The following MBNL3 variants were observed in gnomAD, a reference collection of about 807,000 sequenced individuals.
The protein encoded by MBNL3 is muscleblind like splicing regulator 3.
In MBNL3, 6 loss-of-function variants were observed where a neutral mutation model predicts 24.5. The observed-to-expected ratio is 0.25, with a 90% CI of 0.13 to 0.48. The LOEUF (loss-of-function observed/expected upper bound fraction) is 0.48, where lower values mean the gene tolerates loss of function less well. Among genes scored for constraint, MBNL3 ranks in the 20% least tolerant of loss-of-function variants. The pLI is 0.99. For synonymous variants in MBNL3, 100 were observed against 101.7 expected (o/e 0.98, Z 0.10); for missense variants, 230 against 293.5 (o/e 0.78, Z 1.58).
intron 2 of MBNL3, among the ~76,000 whole-genome samples, chrX:132,437,517 G>C (rs1365406038): frequency 8.9e-6 from 1 of 111,907 alleles, no homozygotes; most frequent in Non-Finnish European, 1.9e-5. Flanking sequence ...AATCACAGAA[G>C]TTAGGTACAG....
chrX:132,403,884 G>T (rs1941362342), intron 3 of MBNL3, among the ~76,000 whole-genome samples: 1 of 111,723 alleles, frequency 9.0e-6, no homozygotes, highest in South Asian at 3.8e-4. Flanking sequence ...GTCTGATAAT[G>T]AAATCTGCTT....
chrX:132,408,453 A>T (rs758748497), intron 2 of MBNL3, among the ~76,000 whole-genome samples: 4 of 110,523 alleles, frequency 3.6e-5, no homozygotes, highest in Non-Finnish European at 7.6e-5. Context: ...TTTCATATTC[A>T]GGAATTCCAG....
intron 2 of MBNL3, among the ~76,000 whole-genome samples, chrX:132,434,986 T>G (rs1945036793): frequency 8.9e-6 from 1 of 111,858 alleles, no homozygotes; most frequent in Non-Finnish European, 1.9e-5. Context: ...GGATAAAAAG[T>G]ATACAGGAGT....
rs141016173 is a variant in MBNL3 at position 132,390,960 on chromosome X, T to C, written c.658A>G (p.Ile220Val). The C allele has an allele frequency of 8.0e-5, 97 of 1,209,154 alleles. No homozygotes were observed. Among genetic ancestry groups the C allele is most frequent in the Non-Finnish European group, 1.1e-5 (10 of 894,905 alleles). Residue 220 changes from isoleucine (I) to valine (V), a missense_variant, in exon 5 of 9, where the codon ATC becomes GTC. Transcript: ENST00000370853. ...TTCTCCCGCGAGCATCGACCTTTGA[T>C]GTAATCCATGCAGATTGTCACAGTA... ...DNTVTICMDY[I>V]KGRCSREKCK...
chrX:132,448,709 C>T (rs1222338841), intron 1 of MBNL3, among the ~76,000 whole-genome samples: 1 of 111,453 alleles, frequency 9.0e-6, no homozygotes, highest in Non-Finnish European at 1.9e-5. Context: ...TCTTGCATCT[C>T]GCGTTCTTGT....
At chrX:132,412,890 TA>T (rs1942927885) in intron 2 of MBNL3, among the ~76,000 whole-genome samples, 1 of 112,587 alleles carries the variant, frequency 8.9e-6, no homozygotes, top group African/African-American at 3.2e-5. Flanking sequence ...GGTACCAAGT[TA>T]TCAAAAGTCA....
At chrX:132,489,623 G>A (rs753405734), upstream of MBNL3, among the ~76,000 whole-genome samples, 160 of 111,932 alleles carry the variant, frequency 1.4e-3, no homozygotes, top group Middle Eastern at 4.7e-3. Context: ...TCCCGCGCCG[G>A]ACAGACGCGG....
chrX:132,377,420 G>T lies in MBNL3; in HGVS notation c.*2246C>A, dbSNP rs1934244228. ...CGCAACATTGTCAACAGCTGACAAT[G>T]ACTCAATACAAGCAAGGCTGTTTAG... On this transcript the variant is annotated 3_prime_UTR_variant, in exon 9 of 9. Transcript: ENST00000370853. 8.9e-6 allele frequency: 1 copy of T among 111,885 alleles called. No individual in the cohort carries two copies. Among genetic ancestry groups the T allele is most frequent in the African/African-American group, 3.2e-5 (1 of 30,819 alleles). 9.2% of individuals were successfully genotyped at this position (111,885 alleles called of 1,213,427 possible). A position where few individuals can be genotyped will look rare whatever the true frequency, so the allele number is the denominator to read the frequency against.
chrX:132,456,263 A>G (rs1359826206), intron 1 of MBNL3, among the ~76,000 whole-genome samples: 1 of 112,251 alleles, frequency 8.9e-6, no homozygotes. Flanking sequence ...TTCTATATTA[A>G]TTTCTAATCA....
In MBNL3 at chrX:132,396,887, CAT is replaced by C. The variant is rs1274679462; in HGVS notation, c.343-4555_343-4554del. Among the ~76,000 whole-genome samples, 145 of 37,452 alleles carry C rather than the reference CAT, an allele frequency of 3.9e-3. 3 individuals carry two copies. Among genetic ancestry groups the C allele is most frequent in the East Asian group, 3.2e-3 (4 of 1,246 alleles). The allele number at this position is 37,452 out of a possible 115,157, so 32.5% of individuals were successfully genotyped here. On this transcript the variant is annotated intron_variant, in intron 3 of 8. Coordinates refer to ENST00000370853, the MANE Select transcript of MBNL3 (RefSeq NM_001386889.1). ...ATATATTCATATATACATATATATT[CAT>C]ATATATATTCATATATACATATATA...
intron 2 of MBNL3, among the ~76,000 whole-genome samples, chrX:132,411,862 C>G (rs993640114): frequency 1.3e-4 from 15 of 111,609 alleles, no homozygotes; most frequent in African/African-American, 4.9e-4. Context: ...GAATAGCCGC[C>G]CTGCCATACA....
chrX:132,455,554 G>T (rs1319053527), intron 1 of MBNL3, among the ~76,000 whole-genome samples: 1 of 111,852 alleles, frequency 8.9e-6, no homozygotes, highest in African/African-American at 3.2e-5. Context: ...GGCCCAGAAG[G>T]ATTCATTTAC....
chrX:132,384,617 A>G, intron 7 of MBNL3, 46 bp downstream of exon 7: 3 of 1,116,799 alleles, frequency 2.7e-6, no homozygotes, highest in Non-Finnish European at 3.6e-6. Flanking sequence ...AGAAAAACAC[A>G]TTTTTTCAGA....
intron 1 of MBNL3, among the ~76,000 whole-genome samples, chrX:132,475,056 C>G (rs1947366531): frequency 8.9e-6 from 1 of 111,834 alleles, no homozygotes. Context: ...TTGGGCTGTC[C>G]TGGCCACTCC....
chrX:132,477,689 T>C (rs779709749), intron 1 of MBNL3, among the ~76,000 whole-genome samples: 50 of 111,374 alleles, frequency 4.5e-4, no homozygotes, highest in Non-Finnish European at 8.7e-4. Flanking sequence ...AGGCCAGACT[T>C]CTCCTAATGG....
intron 2 of MBNL3, among the ~76,000 whole-genome samples, chrX:132,408,836 T>G (rs1942281207): frequency 8.9e-6 from 1 of 112,210 alleles, no homozygotes; most frequent in African/African-American, 3.2e-5. Context: ...TTAAAGAAAC[T>G]TATTCATCTT....
At chrX:132,486,119 T>A (rs957228641) in intron 1 of MBNL3, among the ~76,000 whole-genome samples, 7 of 112,367 alleles carry the variant, frequency 6.2e-5, no homozygotes, top group Admixed American at 1.9e-4. Flanking sequence ...CCAATCCCTG[T>A]TTGTAAGCCT....
At chrX:132,485,638 G>T (rs1309918315) in intron 1 of MBNL3, among the ~76,000 whole-genome samples, 1 of 112,006 alleles carries the variant, frequency 8.9e-6, no homozygotes, top group African/African-American at 3.2e-5. Flanking sequence ...AGACCTAAAA[G>T]CCCACATTAT....
Position 132,446,815 on chromosome X carries a change from A to G in MBNL3, c.-703-6501T>C, listed in dbSNP as rs140487343. Among the ~76,000 whole-genome samples, 557 of 111,982 alleles carry G rather than the reference A, an allele frequency of 5.0e-3. 3 individuals carry two copies. Among genetic ancestry groups the G allele is most frequent in the African/African-American group, 0.016 (508 of 30,828 alleles). Reference sequence around the variant, plus strand: ...CACCATTGCTTTTGGTGTTTTAGTCATGAAGTCTTTGCCCATGCCTATGTC... The same window carrying G: ...CACCATTGCTTTTGGTGTTTTAGTCGTGAAGTCTTTGCCCATGCCTATGTC... On this transcript the variant is annotated intron_variant, in intron 1 of 8. Coordinates refer to ENST00000370853, the MANE Select transcript of MBNL3 (RefSeq NM_001386889.1).
Sources: gnomAD v4.1 joint callset for allele counts (sites outside exome capture counted in the v4.1 genomes callset) on GRCh38, gnomAD v4.1.1 for gene constraint, MANE v1.5 for transcripts, NCBI Gene and HGNC (gene_info 2026-07-23, HGNC 2026-07-21) for gene names.